DCC: variants seen among roughly 807,000 people sequenced by gnomAD.
DCC encodes DCC netrin 1 receptor.
Under a neutral mutation model 172.5 loss-of-function variants are expected in DCC, and 58 were observed. That is an observed-to-expected ratio of 0.34 (90% CI 0.27 to 0.42). The LOEUF (loss-of-function observed/expected upper bound fraction) is 0.42. Among genes scored for constraint, DCC ranks in the 10% least tolerant of loss-of-function variants. The probability of loss-of-function intolerance (pLI) is 1.00; values close to 1 mark genes in which losing one functional copy is unlikely to be tolerated. For synonymous variants in DCC, 709 were observed against 644.5 expected (o/e 1.10, Z -1.52); for missense variants, 1,740 against 1,791.0 (o/e 0.97, Z 0.51).
At chr18:53,056,370 G>A (rs1314741645) in intron 5 of DCC, among the ~76,000 whole-genome samples, 1 of 152,068 alleles carries the variant, frequency 6.6e-6, no homozygotes, top group Non-Finnish European at 1.5e-5. Context: ...ATTACAATTC[G>A]AGATGAGATT....
At chr18:53,235,553 A>T (rs1040496213) in intron 12 of DCC, among the ~76,000 whole-genome samples, 7 of 152,184 alleles carry the variant, frequency 4.6e-5, no homozygotes, top group Non-Finnish European at 1.0e-4. Flanking sequence ...GCAGAAAAAA[A>T]TTATGGACTC....
intron 5 of DCC, among the ~76,000 whole-genome samples, chr18:53,016,631 TTTAA>T (rs1404419130): frequency 3.3e-5 from 5 of 152,186 alleles, no homozygotes; most frequent in Non-Finnish European, 7.4e-5. Flanking sequence ...ATATTAAAAT[TTTAA>T]TTATTTTGTT....
chr18:53,351,653 T>C (rs577182733), intron 15 of DCC, among the ~76,000 whole-genome samples: 7 of 150,936 alleles, frequency 4.6e-5, no homozygotes, highest in Admixed American at 6.6e-5. Flanking sequence ...TGAAGTATTA[T>C]GTAGGTCATT....
chr18:52,484,282 C>T (rs1053608735), intron 1 of DCC, among the ~76,000 whole-genome samples: 4 of 152,102 alleles, frequency 2.6e-5, no homozygotes, highest in Non-Finnish European at 5.9e-5. Context: ...GTCTGAGTCT[C>T]ATTTAGATTC....
intron 8 of DCC, among the ~76,000 whole-genome samples, chr18:53,167,030 T>C (rs1274493955): frequency 6.6e-6 from 1 of 152,076 alleles, no homozygotes; most frequent in Non-Finnish European, 1.5e-5. Context: ...GTAGAAGAGA[T>C]AAAAAGGAGA....
intron 12 of DCC, among the ~76,000 whole-genome samples, chr18:53,273,321 C>A (rs2056769527): frequency 6.6e-6 from 1 of 151,766 alleles, no homozygotes; most frequent in African/African-American, 2.4e-5. Flanking sequence ...TTTGTTCTTG[C>A]CATTGGTGAT....
intron 12 of DCC, among the ~76,000 whole-genome samples, chr18:53,295,498 G>A (rs2057055953): frequency 6.6e-6 from 1 of 152,198 alleles, no homozygotes; most frequent in African/African-American, 2.4e-5. Context: ...TTGAAATTCA[G>A]TTAGATGTTT....
intron 1 of DCC, among the ~76,000 whole-genome samples, chr18:52,449,769 A>G (rs1195567214): frequency 6.6e-6 from 1 of 152,102 alleles, no homozygotes; most frequent in Non-Finnish European, 1.5e-5. Context: ...TGCTGTTCTC[A>G]TGATAGTGAA....
intron 20 of DCC, among the ~76,000 whole-genome samples, chr18:53,412,084 C>T (rs945980299): frequency 1.3e-5 from 2 of 152,068 alleles, no homozygotes; most frequent in Admixed American, 1.3e-4. Context: ...CATTGATAGC[C>T]ATCCCAGGAA....
intron 1 of DCC, among the ~76,000 whole-genome samples, chr18:52,743,661 A>G (rs1040408687): frequency 6.6e-6 from 1 of 152,112 alleles, no homozygotes; most frequent in Non-Finnish European, 1.5e-5. Flanking sequence ...GCCCTTTAAA[A>G]ACCTCAGATC....
intron 22 of DCC, among the ~76,000 whole-genome samples, chr18:53,438,396 T>C (rs1326295553): frequency 1.3e-5 from 2 of 152,306 alleles, no homozygotes; most frequent in South Asian, 4.1e-4. Context: ...AGGACTCCAG[T>C]ATTGGGAAGA....
intron 2 of DCC, among the ~76,000 whole-genome samples, chr18:52,752,941 T>G (rs1173819727): frequency 6.6e-6 from 1 of 152,120 alleles, no homozygotes; most frequent in Non-Finnish European, 1.5e-5. Flanking sequence ...TTACTCTTTT[T>G]AAAGGCTGAA....
At chr18:53,239,595 T>C (rs1316442022) in intron 12 of DCC, among the ~76,000 whole-genome samples, 1 of 152,118 alleles carries the variant, frequency 6.6e-6, no homozygotes, top group Non-Finnish European at 1.5e-5. Context: ...GGCCCTTTGA[T>C]TGGTGTTTTT....
chr18:53,014,251 G>A (rs2041773233), intron 5 of DCC, among the ~76,000 whole-genome samples: 1 of 152,066 alleles, frequency 6.6e-6, no homozygotes, highest in South Asian at 2.1e-4. Context: ...GCATATATTT[G>A]AAGTTAAACT....
chr18:52,693,053 G>A (rs1269319112), intron 1 of DCC, among the ~76,000 whole-genome samples: 1 of 152,036 alleles, frequency 6.6e-6, no homozygotes, highest in African/African-American at 2.4e-5. Flanking sequence ...TTCTCTAAAA[G>A]GAGGTATTGA....
At chr18:52,927,582 C>A (rs2040238733) in intron 5 of DCC, among the ~76,000 whole-genome samples, 1 of 151,822 alleles carries the variant, frequency 6.6e-6, no homozygotes, top group Non-Finnish European at 1.5e-5. Context: ...GATGATTAGT[C>A]TCTATTACAA....
At chr18:52,456,553 C>T (rs1430715884) in intron 1 of DCC, among the ~76,000 whole-genome samples, 4 of 152,068 alleles carry the variant, frequency 2.6e-5, no homozygotes, top group Non-Finnish European at 5.9e-5. Flanking sequence ...CTATATCTAA[C>T]GATATTAAGG....
chr18:53,174,349 T>C (rs1015047054), intron 8 of DCC, among the ~76,000 whole-genome samples: 144 of 150,540 alleles, frequency 9.6e-4, no homozygotes, highest in African/African-American at 3.4e-3. Flanking sequence ...TTGAAGGAAA[T>C]AGAGACACAA....
intron 5 of DCC, among the ~76,000 whole-genome samples, chr18:52,966,499 T>C (rs1325064585): frequency 1.3e-5 from 2 of 152,112 alleles, no homozygotes; most frequent in Non-Finnish European, 2.9e-5. Flanking sequence ...CACAGGCTCT[T>C]GGGACAGCTG....
Sources: gnomAD v4.1 joint callset for allele counts (sites outside exome capture counted in the v4.1 genomes callset) on GRCh38, gnomAD v4.1.1 for gene constraint, MANE v1.5 for transcripts, NCBI Gene and HGNC (gene_info 2026-07-23, HGNC 2026-07-21) for gene names.